Variants in FASN observed in about 807,000 individuals in gnomAD.
The protein encoded by FASN is fatty acid synthase.
FASN carries 50 observed loss-of-function variants against 250.0 expected under a neutral mutation model. The ratio of observed to expected loss-of-function variants is 0.20; its 90% CI spans 0.16 to 0.25. The LOEUF is 0.25. Among genes scored for constraint, FASN ranks in the 10% least tolerant of loss-of-function variants. The probability of loss-of-function intolerance (pLI) is 1.00; values close to 1 mark genes in which losing one functional copy is unlikely to be tolerated. For synonymous variants in FASN, 1,909 were observed against 1,584.0 expected, an observed-to-expected ratio of 1.21 and a Z score of -4.87; for missense variants, 3,031 against 3,498.5, an observed-to-expected ratio of 0.87 and a Z score of 3.37.
chr17:82,084,216 C>T lies in FASN; in HGVS notation c.4919+18G>A. The stretch of plus-strand genomic sequence containing the variant: ...GCCATCCACGTGGGGCCCAGGCTCA[C>T]ACCCTCGACACACTCACCAGTTGGA... On this transcript the variant is annotated intron_variant, in intron 28 of 42. Transcript: ENST00000306749. The T allele has an allele frequency of 6.2e-7, 1 of 1,610,932 alleles. No individual in the cohort carries two copies. Among genetic ancestry groups the T allele is most frequent in the Non-Finnish European group, 8.5e-7 (1 of 1,179,094 alleles).
At chr17:82,086,053 C>T (rs968562705) in intron 22 of FASN, among the ~76,000 whole-genome samples, 182 bp from the exon 23 acceptor site, 1 of 152,210 alleles carries the variant, frequency 6.6e-6, no homozygotes, top group Non-Finnish European at 1.5e-5. Flanking sequence ...GCCTAGGCTG[C>T]ACCTCTTGGA....
chr17:82,078,909 C>T lies in FASN; in HGVS notation c.*234G>A, dbSNP rs1273090058. 4.9e-6 allele frequency: 3 copies of T among 612,964 alleles called. No homozygotes were observed. In the African/African-American group the frequency reaches 5.5e-5, roughly 11 times the overall value. 38.0% of individuals were successfully genotyped at this position (612,964 alleles called of 1,614,324 possible). A position where few individuals can be genotyped will look rare whatever the true frequency, so the allele number is the denominator to read the frequency against. On this transcript the variant is annotated 3_prime_UTR_variant, in exon 43 of 43. Coordinates refer to ENST00000306749, the MANE Select transcript of FASN (RefSeq NM_004104.5). This position sits in a 1 kb window ranked among gnomAD's most constrained non-coding sequence, Gnocchi z 5.4. ...CCTGCGGGCACGGGCACCACCGGCT[C>T]TTCACAGACCAGGAGTCTCCAAGTC...
In FASN at chr17:82,090,984, A is replaced by G. The variant is rs750938646; in HGVS notation, c.1578T>C (p.Ala526=). Residue 526 remains alanine (A), a synonymous_variant, in exon 10 of 43, where the codon GCT becomes GCC. Transcript: ENST00000306749. The stretch of plus-strand genomic sequence containing the variant: ...ACACCTTCAGGCCGAATGGCTTCAC[A>G]GCCTCATCGGAGCGTAGGATGGAAT... The part of the protein sequence containing the change: ...FRDSILRSDE[A]VKPFGLKVSQ... 2.3e-5 allele frequency: 37 copies of G among 1,612,782 alleles called. No homozygotes were observed. The highest frequency in any genetic ancestry group is 8.5e-7 in the Non-Finnish European group (1 of 1,180,006).
chr17:82,091,001 G>T lies in FASN; in HGVS notation c.1561C>A (p.Leu521Ile). 1.9e-6 allele frequency: 3 copies of T among 1,612,874 alleles called. No homozygotes were observed. The highest frequency in any genetic ancestry group is 2.2e-5 in the East Asian group (1 of 44,884). The change falls in exon 10 of 43, where the codon CTA (leucine) becomes ATA (isoleucine). Residue 521 changes from leucine (L) to isoleucine (I), a missense_variant. Physicochemically the swap from Leu to Ile is conservative, Grantham distance 5. Transcript: ENST00000306749. ...MRLDRFRDSILRSDEAVKPFG... is the reference protein window; with the variant it reads ...MRLDRFRDSIIRSDEAVKPFG... ...GGCTTCACAGCCTCATCGGAGCGTAGGATGGAATCTCGGAAGCGGTCCAGG... is the reference window on the plus strand; with the variant it reads ...GGCTTCACAGCCTCATCGGAGCGTATGATGGAATCTCGGAAGCGGTCCAGG...
chr17:82,087,686 T>TTCCAGGCTGGCC lies in FASN; in HGVS notation c.3030_3041dup (p.Ala1011_Glu1014dup), dbSNP rs1598578904. On this transcript the variant is annotated inframe_insertion and splice_region_variant, in exon 19 of 43. Transcript: ENST00000306749. ...GGCAGCAGTGTAGTCAGTACCCACC[T>TTCCAGGCTGGCC]TCCAGGCTGGCCTCCAGGATGCCCT... The TTCCAGGCTGGCC allele has an allele frequency of 1.9e-6, 3 of 1,611,352 alleles. No individual in the cohort carries two copies. Among genetic ancestry groups the TTCCAGGCTGGCC allele is most frequent in the Non-Finnish European group, 2.5e-6 (3 of 1,179,972 alleles).
intron 41 of FASN, 181 bp from the exon 42 acceptor site, chr17:82,079,789 C>T (rs2144778209): frequency 2.4e-6 from 2 of 829,164 alleles, no homozygotes; most frequent in Admixed American, 5.8e-5. Context: ...CGATTCTCCT[C>T]CCTCCGCAAC....
In FASN at chr17:82,084,011, C is replaced by T. The variant is rs368428251; in HGVS notation, c.5062G>A (p.Ala1688Thr). ...GGVGQAAIAI[A>T]LSLGCRVFTT... ...AAGACGCGGCAGCCCAGACTGAGGGCGATGGCGATGGCGGCCTGGCCCACG... is the reference window on the plus strand; with the variant it reads ...AAGACGCGGCAGCCCAGACTGAGGGTGATGGCGATGGCGGCCTGGCCCACG... The change falls in exon 29 of 43, where the codon GCC becomes ACC. Residue 1688 changes from alanine (A) to threonine (T), a missense_variant. By Grantham distance (58) the Ala-to-Thr change is moderately conservative. Coordinates refer to ENST00000306749, the MANE Select transcript of FASN (RefSeq NM_004104.5). 2.7e-5 allele frequency: 42 copies of T among 1,538,900 alleles called. No homozygotes were observed. In the African/African-American group the frequency reaches 4.5e-4, roughly 17 times the overall value.
rs199895617 is a variant in FASN, at chr17:82,079,352, C to A, written c.7398+5G>T. On this transcript the variant is annotated splice_donor_5th_base_variant and intron_variant, in intron 42 of 42. Coordinates refer to ENST00000306749, the MANE Select transcript of FASN (RefSeq NM_004104.5). Reference sequence around the variant, plus strand: ...GTCCCCGTTCCCGTCAGGCCCCTTGCGCACCTGGGAGAGGTTGTAGTCCGC... The same window carrying A: ...GTCCCCGTTCCCGTCAGGCCCCTTGAGCACCTGGGAGAGGTTGTAGTCCGC... 6.2e-7 allele frequency: 1 copy of A among 1,613,036 alleles called. No homozygotes were observed. The highest frequency in any genetic ancestry group is 8.5e-7 in the Non-Finnish European group (1 of 1,179,984).
Position 82,085,137 on chromosome 17 carries a change from T to C in FASN, c.4307A>G (p.Asp1436Gly), listed in dbSNP as rs1227039311. Reference sequence around the variant, plus strand: ...CTTCAGCCACACAGGCCGGGAAGAGTCTTCGTCAGCCAGGATGCCCTACAG... The same window carrying C: ...CTTCAGCCACACAGGCCGGGAAGAGCCTTCGTCAGCCAGGATGCCCTACAG... ...ESLKGILADE[D>G]SSRPVWLKAI... The change falls in exon 25 of 43, where the codon GAC becomes GGC. Residue 1436 changes from aspartate to glycine, a missense_variant. Coordinates refer to ENST00000306749, the MANE Select transcript of FASN (RefSeq NM_004104.5). 6.2e-7 allele frequency: 1 copy of C among 1,610,868 alleles called. No individual in the cohort carries two copies. Among genetic ancestry groups the C allele is most frequent in the Non-Finnish European group, 8.5e-7 (1 of 1,179,448 alleles).
rs867316847 is a variant in FASN at position 82,079,120 on chromosome 17, C to T, written c.*23G>A. On this transcript the variant is annotated 3_prime_UTR_variant, in exon 43 of 43. Transcript: ENST00000306749. ...GGGGTGGGGATGGTGGAGTGACCTC[C>T]GGTGGCAGGCGGGGGCACGGGCCTA... is the stretch of plus-strand genomic sequence containing the variant. The T allele has an allele frequency of 1.6e-5, 26 of 1,604,424 alleles. No homozygotes were observed. In the Middle Eastern group the frequency reaches 6.0e-4, roughly 37 times the overall value.
intron 3 of FASN, among the ~76,000 whole-genome samples, chr17:82,094,963 C>T (rs2034278982): frequency 7.4e-6 from 1 of 134,946 alleles, no homozygotes; most frequent in Admixed American, 8.2e-5. Flanking sequence ...AGGGCCGGTG[C>T]TGTCCGCTGC....
chr17:82,095,058 A>G (rs1212764122), intron 3 of FASN, among the ~76,000 whole-genome samples: 1 of 152,138 alleles, frequency 6.6e-6, no homozygotes, highest in Non-Finnish European at 1.5e-5. Flanking sequence ...CCCCGGCCCC[A>G]GCACCAGCCA....
At chr17:82,096,643 G>T in intron 1 of FASN, 191 bp from the exon 2 acceptor site, 1 of 766,952 alleles carries the variant, frequency 1.3e-6, no homozygotes, top group Non-Finnish European at 2.1e-6. Flanking sequence ...TCGCTGGGAG[G>T]GGCTGCGTGC....
At position 82,080,490 on chromosome 17, in the gene FASN, G is replaced by T; in HGVS notation, c.6927C>A (p.Tyr2309Ter). The T allele has an allele frequency of 6.4e-7, 1 of 1,569,688 alleles. No individual in the cohort carries two copies. The highest frequency in any genetic ancestry group is 8.6e-7 in the Non-Finnish European group (1 of 1,158,436). Residue 2309 changes from tyrosine (Y) to a stop codon, truncating the protein, a stop_gained, in exon 40 of 43, where the codon TAC (tyrosine) becomes TAA (stop). Transcript: ENST00000306749. LOFTEE classifies it high-confidence loss of function. ...EGPYRVAGYS[Y>*]GACVAFEMCS... is the part of the protein sequence containing the mutation. ...ACATTTCAAAGGCCACGCAGGCCCCGTAGGAGTAGCCGGCCACGCGGTAGG... is the reference window on the plus strand; with the variant it reads ...ACATTTCAAAGGCCACGCAGGCCCCTTAGGAGTAGCCGGCCACGCGGTAGG...
In FASN at chr17:82,087,731, G is replaced by A. The variant is rs372688334; in HGVS notation, c.2997C>T (p.Tyr999=). ...TGCCCTGGAAATGAGGGCCGTAGTC[G>A]TAGCCACGCAGACGCAGCTCCTTGT... The part of the protein sequence containing the change: ...EVYKELRLRG[Y]DYGPHFQGIL... The change falls in exon 19 of 43, where the codon TAC becomes TAT. Residue 999 remains tyrosine, a synonymous_variant. Transcript: ENST00000306749. 186 of 1,612,352 alleles carry A rather than the reference G, an allele frequency of 1.2e-4. No individual in the cohort carries two copies. Among genetic ancestry groups the A allele is most frequent in the South Asian group, 1.1e-3 (104 of 91,068 alleles).
chr17:82,091,800 G>T, intron 8 of FASN, 116 bp from the exon 9 acceptor site: 1 of 940,948 alleles, frequency 1.1e-6, no homozygotes, highest in Non-Finnish European at 1.6e-6. Flanking sequence ...GGCCCTCTCC[G>T]ATGCACTTCC....
intron 3 of FASN, 101 bp from the exon 4 acceptor site, chr17:82,093,872 T>G: frequency 8.4e-7 from 1 of 1,195,880 alleles, no homozygotes. Context: ...TTGGCCTCAC[T>G]GGCTTGGGGT....
At chr17:82,095,169 TC>T in intron 3 of FASN, 150 bp downstream of exon 3, 1 of 958,582 alleles carries the variant, frequency 1.0e-6, no homozygotes. Context: ...GGCCCACACC[TC>T]CCTGAGCCCG....
chr17:82,087,795 T>C lies in FASN; in HGVS notation c.2933A>G (p.Asn978Ser), dbSNP rs745505679. Residue 978 changes from asparagine to serine, a missense_variant, in exon 19 of 43, where the codon AAC becomes AGC. Coordinates refer to ENST00000306749, the MANE Select transcript of FASN (RefSeq NM_004104.5). Reference protein sequence around the residue: ...LFDHPESPTPNPTEPLFLAQA... With the variant: ...LFDHPESPTPSPTEPLFLAQA... ...GGCCAGGAAGAGGGGCTCCGTGGGG[T>C]TGGGGGTGGGGCTTTCCGGGTGGTC... is the stretch of plus-strand genomic sequence containing the variant. The C allele has an allele frequency of 3.5e-5, 56 of 1,612,066 alleles. No homozygotes were observed. In the East Asian group the frequency reaches 8.5e-4, roughly 24 times the overall value.
Sources: gnomAD v4.1 joint callset for allele counts (sites outside exome capture counted in the v4.1 genomes callset) on GRCh38, gnomAD v4.1.1 for gene constraint, Gnocchi (gnomAD v3.1) non-coding constraint, MANE v1.5 for transcripts, NCBI Gene and HGNC (gene_info 2026-07-23, HGNC 2026-07-21) for gene names.